The following SFXN1 variants were observed in gnomAD, a reference collection of about 807,000 sequenced individuals.
SFXN1 encodes the protein sideroflexin-1.
In SFXN1, 32 loss-of-function variants were observed where a neutral mutation model predicts 39.5. The observed-to-expected ratio is 0.81, with a 90% CI of 0.61 to 1.09. The LOEUF is 1.09. Among genes scored for constraint, SFXN1 ranks in the 50% least tolerant of loss-of-function variants. The pLI is 0.00. For synonymous variants in SFXN1, 136 were observed against 146.5 expected (o/e 0.93, Z 0.52); for missense variants, 402 against 407.1 (o/e 0.99, Z 0.11).
chr5:175,498,286 A>G (rs1181793680), intron 2 of SFXN1, among the ~76,000 whole-genome samples: 1 of 152,218 alleles, frequency 6.6e-6, no homozygotes, highest in Non-Finnish European at 1.5e-5. Flanking sequence ...CCTGCAAGGT[A>G]CTTCCTGAGT....
At chr5:175,493,457 G>A (rs1198096807) in intron 2 of SFXN1, among the ~76,000 whole-genome samples, 3 of 152,084 alleles carry the variant, frequency 2.0e-5, no homozygotes, top group East Asian at 1.9e-4. Context: ...AGAGAGAACC[G>A]ACGACAGTCA....
intron 7 of SFXN1, among the ~76,000 whole-genome samples, chr5:175,515,849 G>A (rs1581319488): frequency 6.6e-6 from 1 of 152,106 alleles, no homozygotes; most frequent in African/African-American, 2.4e-5. Context: ...GAAATAATTA[G>A]ACAAGTCACC....
intron 8 of SFXN1, among the ~76,000 whole-genome samples, chr5:175,519,674 A>AG (rs2113355777): frequency 6.6e-6 from 1 of 152,190 alleles, no homozygotes; most frequent in African/African-American, 2.4e-5. Context: ...GGAACTGCAA[A>AG]GTGGTACAAG....
At chr5:175,503,659 C>A (rs933042799) in intron 2 of SFXN1, among the ~76,000 whole-genome samples, 2 of 152,116 alleles carry the variant, frequency 1.3e-5, no homozygotes, top group African/African-American at 4.8e-5. Flanking sequence ...GTGAGCAATG[C>A]ACGAAATAAT....
At chr5:175,507,829 C>T in intron 2 of SFXN1, among the ~76,000 whole-genome samples, 1 of 151,966 alleles carries the variant, frequency 6.6e-6, no homozygotes, top group Non-Finnish European at 1.5e-5. Flanking sequence ...AAAAATTAAC[C>T]AGGCATGGTG....
chr5:175,516,700 T>C, intron 8 of SFXN1, 37 bp downstream of exon 8: 1 of 1,598,388 alleles, frequency 6.3e-7, no homozygotes, highest in African/African-American at 1.3e-5. Flanking sequence ...CTCAACCCTT[T>C]TTATTTCTTT....
intron 2 of SFXN1, among the ~76,000 whole-genome samples, chr5:175,501,578 T>C (rs1019038887): frequency 6.6e-6 from 1 of 152,134 alleles, no homozygotes; most frequent in Non-Finnish European, 1.5e-5. Context: ...CCAGAAGATA[T>C]AAAGAACTCT....
chr5:175,480,533 A>G (rs1364583500), intron 1 of SFXN1, among the ~76,000 whole-genome samples: 1 of 152,238 alleles, frequency 6.6e-6, no homozygotes, highest in Admixed American at 6.5e-5. Context: ...CTGTGGTTAC[A>G]GTTGTCAGAG....
At chr5:175,505,767 ACT>A (rs1760270453) in intron 2 of SFXN1, among the ~76,000 whole-genome samples, 1 of 152,032 alleles carries the variant, frequency 6.6e-6, no homozygotes, top group African/African-American at 2.4e-5. Flanking sequence ...GTATTCACAA[ACT>A]CTCAACTGAT....
intron 1 of SFXN1, chr5:175,491,820 A>T (rs765932678): frequency 4.2e-5 from 11 of 264,126 alleles, no homozygotes; most frequent in Non-Finnish European, 2.8e-5. Flanking sequence ...TCTCCAGAGT[A>T]ATTCTAGGTA....
chr5:175,502,543 GATAA>G (rs982537636), intron 2 of SFXN1, among the ~76,000 whole-genome samples: 7 of 152,330 alleles, frequency 4.6e-5, no homozygotes, highest in African/African-American at 1.7e-4. Context: ...AAAGAGAATT[GATAA>G]ATAACGTACT....
chr5:175,482,847 A>G (rs980985469), intron 1 of SFXN1, among the ~76,000 whole-genome samples: 1 of 152,188 alleles, frequency 6.6e-6, no homozygotes, highest in Non-Finnish European at 1.5e-5. Context: ...TTCTCATTCC[A>G]TAGGTTATCA....
chr5:175,487,824 G>A (rs892265486), intron 1 of SFXN1, among the ~76,000 whole-genome samples: 1 of 151,964 alleles, frequency 6.6e-6, no homozygotes, highest in African/African-American at 2.4e-5. Context: ...CTTCTCCCTC[G>A]GCCCTCTCCA....
At chr5:175,514,731 TATG>T (rs1760657129) in intron 7 of SFXN1, among the ~76,000 whole-genome samples, 1 of 152,230 alleles carries the variant, frequency 6.6e-6, no homozygotes, top group Non-Finnish European at 1.5e-5. Flanking sequence ...CTTTGAGGAA[TATG>T]ATATTCACAT....
At chr5:175,524,081 G>A (rs1178786808) in intron 10 of SFXN1, 1 of 135,136 alleles carries the variant, frequency 7.4e-6, no homozygotes, top group African/African-American at 2.8e-5. Context: ...TCCAGCCTGG[G>A]CAACAGTGCG....
chr5:175,482,313 T>G (rs546084524), intron 1 of SFXN1, among the ~76,000 whole-genome samples: 2 of 152,330 alleles, frequency 1.3e-5, no homozygotes, highest in East Asian at 3.9e-4. Context: ...GCAGTTATCA[T>G]TGGTACTCTT....
intron 2 of SFXN1, among the ~76,000 whole-genome samples, chr5:175,508,158 T>A (rs2113326850): frequency 6.6e-6 from 1 of 151,824 alleles, no homozygotes; most frequent in South Asian, 2.1e-4. Flanking sequence ...GCTTTCCTAT[T>A]CCCTATATAT....
intron 1 of SFXN1, chr5:175,484,243 CT>C (rs955137704): frequency 6.6e-6 from 1 of 152,240 alleles, no homozygotes; most frequent in Non-Finnish European, 1.5e-5. Context: ...GATGTTTGAT[CT>C]TTACCCAGTT....
intron 2 of SFXN1, among the ~76,000 whole-genome samples, chr5:175,496,921 T>C (rs1759879748): frequency 6.6e-6 from 1 of 151,902 alleles, no homozygotes. Context: ...AGATGGAGTC[T>C]TGCTCGGTCA....
Sources: allele counts gnomAD v4.1 joint callset (sites outside exome capture counted in the v4.1 genomes callset), GRCh38; gene constraint gnomAD v4.1.1; transcripts MANE v1.5; gene names NCBI Gene and HGNC (gene_info 2026-07-23, HGNC 2026-07-21).